The following SLC7A11 variants were observed in gnomAD, a reference collection of about 807,000 sequenced individuals.
The protein encoded by SLC7A11 is cystine/glutamate transporter.
Under a neutral mutation model 54.5 loss-of-function variants are expected in SLC7A11, and 35 were observed. The ratio of observed to expected loss-of-function variants is 0.64; its 90% CI spans 0.49 to 0.85. The LOEUF (loss-of-function observed/expected upper bound fraction) is 0.85. Among genes scored for constraint, SLC7A11 ranks in the 40% least tolerant of loss-of-function variants. The pLI, the probability that SLC7A11 is intolerant of heterozygous loss-of-function variation, is 0.00. For missense variants in SLC7A11, 583 were observed against 618.1 expected, an observed-to-expected ratio of 0.94 and a Z score of 0.60; for synonymous variants, 230 against 225.2, an observed-to-expected ratio of 1.02 and a Z score of -0.19.
rs1025099867 is a variant in SLC7A11 at position 138,167,642 on chromosome 4, C to G, written c.*4314G>C. 1 of 152,226 alleles carries G rather than the reference C, an allele frequency of 6.6e-6. No homozygotes were observed. The highest frequency in any genetic ancestry group is 2.4e-5 in the African/African-American group (1 of 41,542). The allele number at this position is 152,226 out of a possible 1,614,324, so 9.4% of individuals were successfully genotyped here. On this transcript the variant is annotated 3_prime_UTR_variant, in exon 12 of 12. Coordinates refer to ENST00000280612, the MANE Select transcript of SLC7A11 (RefSeq NM_014331.4). ...GTAAACAGAGGCTATCAAGGTGACCCATTATCTACTCTAATTTATATCCAC... is the reference window on the plus strand; with the variant it reads ...GTAAACAGAGGCTATCAAGGTGACCGATTATCTACTCTAATTTATATCCAC...
intron 11 of SLC7A11, 83 bp from the exon 12 acceptor site, chr4:138,172,100 G>A: frequency 7.2e-7 from 1 of 1,394,668 alleles, no homozygotes; most frequent in Non-Finnish European, 9.6e-7. Flanking sequence ...ATTTTGGGTT[G>A]AATACCAAAA....
At chr4:138,232,130 A>C in intron 3 of SLC7A11, 137 bp downstream of exon 3, 1 of 684,326 alleles carries the variant, frequency 1.5e-6, no homozygotes, top group East Asian at 2.7e-5. Context: ...AAATCCTTCC[A>C]GTAGAAATTT....
At chr4:138,220,571 G>C (rs1198857023) in intron 4 of SLC7A11, among the ~76,000 whole-genome samples, 1 of 152,086 alleles carries the variant, frequency 6.6e-6, no homozygotes, top group Non-Finnish European at 1.5e-5. Flanking sequence ...TCTATTTTAT[G>C]AATCACATTG....
Position 138,229,470 on chromosome 4 carries a change from G to T in SLC7A11, c.520+2797C>A, listed in dbSNP as rs148434362. Among the ~76,000 whole-genome samples, 275 of 152,276 alleles carry T rather than the reference G, an allele frequency of 1.8e-3. 5 individuals are homozygous for T. Among genetic ancestry groups the T allele is most frequent in the African/African-American group, 6.2e-3 (257 of 41,560 alleles). On this transcript the variant is annotated intron_variant, in intron 3 of 11. Coordinates refer to ENST00000280612, the MANE Select transcript of SLC7A11 (RefSeq NM_014331.4). ...ACACATTTCTTTCTCCGAATTTCAA[G>T]CTTGCAAAAGGAACATCAAAATTTA...
At position 138,168,312 on chromosome 4, in the gene SLC7A11, A is replaced by C. The variant is rs1412785064; in HGVS notation, c.*3644T>G. On this transcript the variant is annotated 3_prime_UTR_variant, in exon 12 of 12. Transcript: ENST00000280612. ...ACTAATTTTTAATATTTCTCTGACT[A>C]TATTGCATAACATTAAAATATTGTT... 6.6e-6 allele frequency: 1 copy of C among 152,200 alleles called. No homozygotes were observed. 9.4% of individuals were successfully genotyped at this position (152,200 alleles called of 1,614,324 possible).
rs150538467 is a variant in SLC7A11 at position 138,216,248 on chromosome 4, CT to C, written c.747-1620del. ...CTATGTGAATTATTTTTAAAAGAAG[CT>C]TATTCTTTAGATTAGATTTGACACA... On this transcript the variant is annotated intron_variant, in intron 5 of 11. Coordinates refer to ENST00000280612, the MANE Select transcript of SLC7A11 (RefSeq NM_014331.4). Among the ~76,000 whole-genome samples, 420 of 152,240 alleles carry C rather than the reference CT, an allele frequency of 2.8e-3. 4 individuals carry two copies. The East Asian group carries it at 0.04, about 15-fold the overall frequency.
chr4:138,226,524 C>T (rs565248824), intron 3 of SLC7A11, among the ~76,000 whole-genome samples: 12 of 152,098 alleles, frequency 7.9e-5, no homozygotes, highest in African/African-American at 2.9e-4. Flanking sequence ...TGAGATGCCC[C>T]TGAATTACCC....
chr4:138,224,287 C>T (rs545055065), intron 3 of SLC7A11, among the ~76,000 whole-genome samples: 2 of 152,274 alleles, frequency 1.3e-5, no homozygotes, highest in African/African-American at 4.8e-5. Flanking sequence ...TGGTTTTCAA[C>T]TTTATACTCT....
At chr4:138,241,684 T>C (rs1188643874) in intron 1 of SLC7A11, 109 bp downstream of exon 1, 11 of 838,076 alleles carry the variant, frequency 1.3e-5, no homozygotes, top group Non-Finnish European at 2.1e-5. Context: ...AAAAATTTGG[T>C]GTGGCCTTTG....
chr4:138,182,702 G>A (rs1364940004), intron 8 of SLC7A11, among the ~76,000 whole-genome samples: 1 of 152,034 alleles, frequency 6.6e-6, no homozygotes, highest in Non-Finnish European at 1.5e-5. Flanking sequence ...AGTATTATAT[G>A]TGTGTTGTCA....
At chr4:138,217,988 A>G (rs1737720134) in intron 5 of SLC7A11, among the ~76,000 whole-genome samples, 2 of 152,202 alleles carry the variant, frequency 1.3e-5, no homozygotes, top group Admixed American at 1.3e-4. Flanking sequence ...TATTCTGGGA[A>G]TATACAAATA....
chr4:138,224,375 T>C (rs548942254), intron 3 of SLC7A11, among the ~76,000 whole-genome samples: 107 of 152,310 alleles, frequency 7.0e-4, no homozygotes, highest in African/African-American at 2.4e-3. Flanking sequence ...ATAACCTTTA[T>C]ATTTATAAAG....
chr4:138,214,318 A>C (rs1322117993), intron 6 of SLC7A11, among the ~76,000 whole-genome samples: 3 of 151,868 alleles, frequency 2.0e-5, no homozygotes, highest in Non-Finnish European at 4.4e-5. Flanking sequence ...ATATAACTTT[A>C]TTATTTCCTA....
chr4:138,239,027 A>G (rs1251119217), intron 1 of SLC7A11, among the ~76,000 whole-genome samples: 1 of 152,242 alleles, frequency 6.6e-6, no homozygotes, highest in Non-Finnish European at 1.5e-5. Flanking sequence ...ATAATTCTAA[A>G]GTAACGAGTC....
chr4:138,165,303 T>A lies in SLC7A11; in HGVS notation c.*6653A>T, dbSNP rs1450997952. On this transcript the variant is annotated 3_prime_UTR_variant, in exon 12 of 12. Transcript: ENST00000280612. ...AGTGCATCACTACCATGTAATCCAT[T>A]CTACGCAAGCTCTACAAATATTGAG... 1 of 152,554 alleles carries A rather than the reference T, an allele frequency of 6.6e-6. No homozygotes were observed. The highest frequency in any genetic ancestry group is 1.5e-5 in the Non-Finnish European group (1 of 68,000). 9.5% of individuals were successfully genotyped at this position (152,554 alleles called of 1,614,324 possible).
chr4:138,213,558 T>TCTCTCC (rs1737606355), intron 6 of SLC7A11, among the ~76,000 whole-genome samples: 2 of 151,542 alleles, frequency 1.3e-5, no homozygotes, highest in South Asian at 4.2e-4. Flanking sequence ...TCTCTCTCTC[T>TCTCTCC]CTCCTCCCAT....
chr4:138,185,477 G>A (rs765069768), intron 6 of SLC7A11, among the ~76,000 whole-genome samples: 1 of 152,082 alleles, frequency 6.6e-6, no homozygotes, highest in Non-Finnish European at 1.5e-5. Flanking sequence ...CTATACCCCA[G>A]AACATATGGA....
chr4:138,219,936 C>T (rs1025984904), intron 4 of SLC7A11, among the ~76,000 whole-genome samples: 6 of 104,636 alleles, frequency 5.7e-5, no homozygotes, highest in African/African-American at 1.6e-4. Context: ...AAACTGCAAG[C>T]CTTTCTTTTT....
chr4:138,204,177 G>A (rs777396395), intron 6 of SLC7A11, among the ~76,000 whole-genome samples: 16 of 152,018 alleles, frequency 1.1e-4, no homozygotes, highest in Admixed American at 7.9e-4. Context: ...ACCAGCTGTC[G>A]CGTTAGAAAG....
Sources: allele counts gnomAD v4.1 joint callset (sites outside exome capture counted in the v4.1 genomes callset), GRCh38; gene constraint gnomAD v4.1.1; transcripts MANE v1.5; gene names NCBI Gene and HGNC (gene_info 2026-07-23, HGNC 2026-07-21).